The following CDH13 variants were observed in gnomAD, a reference collection of about 807,000 sequenced individuals.
The protein encoded by CDH13 is cadherin-13.
CDH13 carries 24 observed loss-of-function variants against 63.8 expected under a neutral mutation model. That is an observed-to-expected ratio of 0.38 (90% confidence interval 0.27 to 0.53). The LOEUF (loss-of-function observed/expected upper bound fraction) is 0.53. CDH13 is among the 20% of genes least tolerant of loss of function. The pLI is 0.85. For synonymous variants in CDH13, 503 were observed against 355.3 expected (o/e 1.42, Z -4.67); for missense variants, 1,049 against 903.1 (o/e 1.16, Z -2.07).
chr16:83,387,114 T>A (rs542258092), intron 6 of CDH13, among the ~76,000 whole-genome samples: 1 of 152,202 alleles, frequency 6.6e-6, no homozygotes, highest in South Asian at 2.1e-4. Flanking sequence ...GGGCCAGAAA[T>A]GAGTGTTAGG....
intron 5 of CDH13, among the ~76,000 whole-genome samples, chr16:83,252,194 C>T (rs1289926402): frequency 6.7e-6 from 1 of 148,802 alleles, no homozygotes; most frequent in South Asian, 2.1e-4. Flanking sequence ...AGTCTCCCCA[C>T]CCCTAATGCA....
In CDH13 at chr16:82,946,111, G is replaced by T. The variant is rs138434387; in HGVS notation, c.158-85899G>T. 3.2e-3 allele frequency among the ~76,000 whole-genome samples: 482 copies of T among 151,884 alleles called. 3 individuals carry two copies. Among genetic ancestry groups the T allele is most frequent in the Non-Finnish European group, 3.5e-3 (239 of 67,982 alleles). ...ACAGTATAAGTCTTTCTGATCTTTTGCCCTCCCCTGTGTCTTTTGCAACAT... is the reference window on the plus strand; with the variant it reads ...ACAGTATAAGTCTTTCTGATCTTTTTCCCTCCCCTGTGTCTTTTGCAACAT... On this transcript the variant is annotated intron_variant, in intron 2 of 13. Transcript: ENST00000567109.
Position 83,644,145 on chromosome 16 carries a change from G to C in CDH13, c.1102-26645G>C, listed in dbSNP as rs1968261. ...CTGTAATCTCCTTCTCTTTATCTCA[G>C]CTCTGCCTTCAGATGTGTCCCTTGA... On this transcript the variant is annotated intron_variant, in intron 8 of 13. Transcript: ENST00000567109. Among the ~76,000 whole-genome samples the C allele has an allele frequency of 6.0e-3, 907 of 152,290 alleles. 12 individuals carry two copies. Among genetic ancestry groups the C allele is most frequent in the African/African-American group, 0.021 (859 of 41,570 alleles).
chr16:82,779,810 A>T (rs1346801479), intron 1 of CDH13, among the ~76,000 whole-genome samples: 4 of 152,090 alleles, frequency 2.6e-5, no homozygotes, highest in African/African-American at 9.7e-5. Context: ...TTGGAAGTCG[A>T]GGGAGATGAC....
At chr16:83,404,891 G>A (rs2151447591) in intron 6 of CDH13, among the ~76,000 whole-genome samples, 1 of 152,256 alleles carries the variant, frequency 6.6e-6, no homozygotes, top group South Asian at 2.1e-4. Flanking sequence ...ATGTGATGTT[G>A]CATTTTATGG....
chr16:83,309,079 G>T (rs978994328), intron 5 of CDH13, among the ~76,000 whole-genome samples: 10 of 152,112 alleles, frequency 6.6e-5, no homozygotes, highest in African/African-American at 2.4e-4. Flanking sequence ...CTTGGTGCTT[G>T]TCCCTCCATA....
At chr16:82,799,495 T>C (rs1031889800) in intron 1 of CDH13, among the ~76,000 whole-genome samples, 1 of 152,222 alleles carries the variant, frequency 6.6e-6, no homozygotes, top group Non-Finnish European at 1.5e-5. Context: ...GTTAAGGAGA[T>C]ACCATCAGGG....
chr16:83,117,850 G>C (rs998358917), intron 3 of CDH13, among the ~76,000 whole-genome samples: 2 of 152,034 alleles, frequency 1.3e-5, no homozygotes, highest in Non-Finnish European at 2.9e-5. Context: ...GTTCTTTGGG[G>C]CGAGTGTTGT....
intron 6 of CDH13, among the ~76,000 whole-genome samples, chr16:83,440,211 G>T (rs996441783): frequency 2.0e-5 from 3 of 152,194 alleles, no homozygotes; most frequent in Admixed American, 6.5e-5. Flanking sequence ...ATTAGATGTG[G>T]GTCACAGAGT....
At chr16:82,928,189 T>TGTGG in intron 2 of CDH13, among the ~76,000 whole-genome samples, 1 of 151,836 alleles carries the variant, frequency 6.6e-6, no homozygotes. Context: ...TGTGTGTGTG[T>TGTGG]ATGCGTGTGT....
chr16:83,504,734 G>C (rs1422085998), intron 7 of CDH13, among the ~76,000 whole-genome samples: 1 of 152,114 alleles, frequency 6.6e-6, no homozygotes, highest in Non-Finnish European at 1.5e-5. Context: ...CTGGTGTTAG[G>C]GCAGATAATG....
rs188572326 is a variant in CDH13, at chr16:83,173,373, A to G, written c.484-43972A>G. Among the ~76,000 whole-genome samples the G allele has an allele frequency of 7.2e-5, 11 of 152,250 alleles. No individual in the cohort carries two copies. The East Asian group carries it at 1.7e-3, about 24-fold the overall frequency. On this transcript the variant is annotated intron_variant, in intron 4 of 13. Coordinates refer to ENST00000567109, the MANE Select transcript of CDH13 (RefSeq NM_001257.5). ...GCTATGGAACTTGTCAGAGCTTTTA[A>G]ATATGCTATTATCTTAGGGAATCTC... is the stretch of plus-strand genomic sequence containing the variant.
chr16:83,276,336 T>G (rs933373625), intron 5 of CDH13, among the ~76,000 whole-genome samples: 1 of 152,158 alleles, frequency 6.6e-6, no homozygotes, highest in South Asian at 2.1e-4. Context: ...AGTTGAGGGT[T>G]TCCTCTTGTT....
chr16:83,047,424 G>C lies in CDH13; in HGVS notation c.366+15206G>C, dbSNP rs754505387. On this transcript the variant is annotated intron_variant, in intron 3 of 13. Transcript: ENST00000567109. The surrounding 1 kb of genome is among the most constrained non-coding windows in gnomAD (Gnocchi z 4.9). The stretch of plus-strand genomic sequence containing the variant: ...ATTTGGCCCTTGTTAACAAAGCCTA[G>C]TCTGTAAGAGCGTGACCACCAGTCT... Among the ~76,000 whole-genome samples, 2 of 152,106 alleles carry C rather than the reference G, an allele frequency of 1.3e-5. No homozygotes were observed. Among genetic ancestry groups the C allele is most frequent in the Non-Finnish European group, 2.9e-5 (2 of 68,010 alleles).
intron 2 of CDH13, among the ~76,000 whole-genome samples, chr16:82,868,029 T>C (rs2040212085): frequency 6.6e-6 from 1 of 152,242 alleles, no homozygotes; most frequent in African/African-American, 2.4e-5. Context: ...TTACATATTT[T>C]ATACAAGCTT....
chr16:83,647,739 C>A (rs149166673), intron 8 of CDH13, among the ~76,000 whole-genome samples: 50 of 152,244 alleles, frequency 3.3e-4, no homozygotes, highest in African/African-American at 1.2e-3. Flanking sequence ...ATCTGTGACA[C>A]GTGAAGAATA....
intron 2 of CDH13, among the ~76,000 whole-genome samples, chr16:82,913,210 G>C (rs1335991167): frequency 6.6e-6 from 1 of 152,142 alleles, no homozygotes; most frequent in Non-Finnish European, 1.5e-5. Context: ...GGTACAAAAT[G>C]AATTGGAGTT....
intron 3 of CDH13, among the ~76,000 whole-genome samples, chr16:83,102,949 T>TTTTTTTTTTTTTTTTTTTTTTC (rs2034567139): frequency 1.1e-4 from 5 of 45,324 alleles, no homozygotes; most frequent in Non-Finnish European, 1.5e-4. Context: ...TTTCTTTTTC[T>TTTTTTTTTTTTTTTTTTTTTTC]TTTTTTTTTT....
At chr16:82,782,991 C>A (rs1313813195) in intron 1 of CDH13, among the ~76,000 whole-genome samples, 1 of 152,196 alleles carries the variant, frequency 6.6e-6, no homozygotes, top group Non-Finnish European at 1.5e-5. Context: ...TGCTGTGAAC[C>A]CAGCATTGCC....
Sources: gnomAD v4.1 joint callset for allele counts (sites outside exome capture counted in the v4.1 genomes callset) on GRCh38, gnomAD v4.1.1 for gene constraint, Gnocchi (gnomAD v3.1) non-coding constraint, MANE v1.5 for transcripts, NCBI Gene and HGNC (gene_info 2026-07-23, HGNC 2026-07-21) for gene names.